MAGI1: variants seen among roughly 807,000 people sequenced by gnomAD.
The protein encoded by MAGI1 is membrane associated guanylate kinase, WW and PDZ domain containing 1.
Under a neutral mutation model 139.9 loss-of-function variants are expected in MAGI1, and 58 were observed. The observed-to-expected ratio is 0.41, with a 90% confidence interval of 0.34 to 0.52. MAGI1 has a LOEUF of 0.52. Among genes scored for constraint, MAGI1 ranks in the 20% least tolerant of loss-of-function variants. The probability of loss-of-function intolerance (pLI) is 0.12; values close to 1 mark genes in which losing one functional copy is unlikely to be tolerated. For missense variants in MAGI1, 1,874 were observed against 1,901.6 expected, an observed-to-expected ratio of 0.99 and a Z score of 0.27; for synonymous variants, 812 against 737.9, an observed-to-expected ratio of 1.10 and a Z score of -1.63.
chr3:65,612,738 C>G (rs933374739), intron 2 of MAGI1, among the ~76,000 whole-genome samples: 13 of 152,068 alleles, frequency 8.5e-5, no homozygotes, highest in Admixed American at 7.2e-4. Context: ...ACATTTGATA[C>G]AAGGAAATTT....
At chr3:65,855,967 C>A (rs2108418884) in intron 1 of MAGI1, among the ~76,000 whole-genome samples, 1 of 152,170 alleles carries the variant, frequency 6.6e-6, no homozygotes, top group Non-Finnish European at 1.5e-5. Flanking sequence ...ACACAGGACT[C>A]TTCCAGAGCT....
chr3:65,641,220 T>C (rs1260669290), intron 1 of MAGI1, among the ~76,000 whole-genome samples: 1 of 152,150 alleles, frequency 6.6e-6, no homozygotes, highest in Non-Finnish European at 1.5e-5. Flanking sequence ...AGCTGCTCTC[T>C]CTTGGGGTCC....
At position 65,395,636 on chromosome 3, in the gene MAGI1, C is replaced by CAAA. The variant is rs58806140; in HGVS notation, c.2200-4281_2200-4279dup. Among the ~76,000 whole-genome samples, 65 of 19,170 alleles carry CAAA rather than the reference C, an allele frequency of 3.4e-3. 7 individuals carry two copies. Among genetic ancestry groups the CAAA allele is most frequent in the East Asian group, 8.9e-3 (6 of 674 alleles). 12.6% of individuals were successfully genotyped at this position (19,170 alleles called of 152,430 possible). On this transcript the variant is annotated intron_variant, in intron 13 of 22. Coordinates refer to ENST00000402939, the MANE Select transcript of MAGI1 (RefSeq NM_001033057.2). ...TGGGTGACAGAGCGAGACTCCATCT[C>CAAA]AAAAAAAAAAAAAAAAAAAAAGAGG... is the stretch of plus-strand genomic sequence containing the variant.
At chr3:65,746,673 A>G (rs2035736518) in intron 1 of MAGI1, among the ~76,000 whole-genome samples, 1 of 152,160 alleles carries the variant, frequency 6.6e-6, no homozygotes, top group Non-Finnish European at 1.5e-5. Context: ...TGGAGGGGAA[A>G]AGCATGATTC....
chr3:65,912,404 A>C (rs1560005826), intron 1 of MAGI1, among the ~76,000 whole-genome samples: 1 of 152,182 alleles, frequency 6.6e-6, no homozygotes, highest in Admixed American at 6.5e-5. Context: ...AACTAGCTAC[A>C]AAGGGATAAT....
chr3:65,365,809 A>G (rs1388298922), intron 18 of MAGI1, among the ~76,000 whole-genome samples: 1 of 152,196 alleles, frequency 6.6e-6, no homozygotes, highest in Non-Finnish European at 1.5e-5. Flanking sequence ...TGTTTACTGA[A>G]TACATGTATC....
chr3:65,550,964 T>G (rs1185278221), intron 2 of MAGI1, among the ~76,000 whole-genome samples: 1 of 152,260 alleles, frequency 6.6e-6, no homozygotes, highest in East Asian at 1.9e-4. Flanking sequence ...AGACCCTGTC[T>G]TAAAAAGAAA....
chr3:65,703,559 A>G (rs938498512), intron 1 of MAGI1, among the ~76,000 whole-genome samples: 1 of 152,206 alleles, frequency 6.6e-6, no homozygotes, highest in Middle Eastern at 3.2e-3. Flanking sequence ...CTCCTCCCAG[A>G]AATCCAGCTG....
At chr3:65,659,294 A>G (rs977251219) in intron 1 of MAGI1, among the ~76,000 whole-genome samples, 4 of 152,220 alleles carry the variant, frequency 2.6e-5, no homozygotes, top group South Asian at 2.1e-4. Flanking sequence ...GTAATTTCAC[A>G]TAACTAGCAA....
intron 1 of MAGI1, among the ~76,000 whole-genome samples, chr3:65,634,980 A>C (rs1157278030): frequency 6.6e-6 from 1 of 152,194 alleles, no homozygotes. Flanking sequence ...TGGGTGTAGC[A>C]AGATGTTAAC....
chr3:65,697,335 A>G (rs987605202), intron 1 of MAGI1, among the ~76,000 whole-genome samples: 413 of 150,946 alleles, frequency 2.7e-3, no homozygotes, highest in African/African-American at 9.3e-3. Flanking sequence ...AACTATTCCA[A>G]TCAATAGAAA....
intron 1 of MAGI1, among the ~76,000 whole-genome samples, chr3:65,848,811 G>A (rs973299019): frequency 1.3e-5 from 2 of 151,826 alleles, no homozygotes; most frequent in African/African-American, 4.8e-5. Context: ...AAGACTTCCT[G>A]CCATAGTACA....
At chr3:65,556,180 G>A (rs971740467) in intron 2 of MAGI1, among the ~76,000 whole-genome samples, 2 of 152,086 alleles carry the variant, frequency 1.3e-5, no homozygotes, top group African/African-American at 4.8e-5. Context: ...TTAAAAGATT[G>A]CATCTTCTCA....
chr3:65,772,247 C>G (rs1416400836), intron 1 of MAGI1, among the ~76,000 whole-genome samples: 2 of 152,280 alleles, frequency 1.3e-5, no homozygotes, highest in South Asian at 2.1e-4. Flanking sequence ...TAGGCCCAAT[C>G]CCTTCCTTGT....
intron 1 of MAGI1, among the ~76,000 whole-genome samples, chr3:65,724,062 GAACA>G (rs1237144346): frequency 5.3e-5 from 8 of 152,226 alleles, no homozygotes; most frequent in Admixed American, 5.2e-4. Context: ...TGATATGCCT[GAACA>G]GACAGGTTTA....
chr3:65,517,991 G>GA (rs1232076473), intron 2 of MAGI1, among the ~76,000 whole-genome samples: 1 of 152,106 alleles, frequency 6.6e-6, no homozygotes, highest in Non-Finnish European at 1.5e-5. Context: ...ACAAAATTTA[G>GA]AAAATAATCT....
intron 3 of MAGI1, among the ~76,000 whole-genome samples, chr3:65,479,998 A>G (rs1206939516): frequency 6.6e-6 from 1 of 152,198 alleles, no homozygotes; most frequent in African/African-American, 2.4e-5. Flanking sequence ...TGATTCTGAG[A>G]TGCTGGATCA....
chr3:65,527,493 A>C (rs2107826507), intron 2 of MAGI1, among the ~76,000 whole-genome samples: 1 of 152,300 alleles, frequency 6.6e-6, no homozygotes, highest in Non-Finnish European at 1.5e-5. Flanking sequence ...TGGGAGGCCA[A>C]GGCAGGTGGA....
At chr3:66,001,240 G>C (rs2066722818) in intron 1 of MAGI1, among the ~76,000 whole-genome samples, 2 of 152,076 alleles carry the variant, frequency 1.3e-5, no homozygotes, top group South Asian at 4.1e-4. Context: ...ATAGGTGAAG[G>C]GGGATGAAGA....
Sources: gnomAD v4.1 joint callset for allele counts (sites outside exome capture counted in the v4.1 genomes callset) on GRCh38, gnomAD v4.1.1 for gene constraint, MANE v1.5 for transcripts, NCBI Gene and HGNC (gene_info 2026-07-23, HGNC 2026-07-21) for gene names.